PIK3R3: variants seen among roughly 807,000 people sequenced by gnomAD.
PIK3R3 encodes phosphoinositide-3-kinase regulatory subunit 3.
Under a neutral mutation model 62.9 loss-of-function variants are expected in PIK3R3, and 64 were observed. That is an observed-to-expected ratio of 1.02 (90% CI 0.83 to 1.25). PIK3R3 has a LOEUF of 1.25. PIK3R3 is among the 50% of genes most tolerant of loss of function. The pLI, the probability that PIK3R3 is intolerant of heterozygous loss-of-function variation, is 0.00. For synonymous variants in PIK3R3, 165 were observed against 189.0 expected, an observed-to-expected ratio of 0.87 and a Z score of 1.04; for missense variants, 614 against 561.6, an observed-to-expected ratio of 1.09 and a Z score of -0.94.
intron 1 of PIK3R3, among the ~76,000 whole-genome samples, chr1:46,108,397 A>G (rs1653410182): frequency 6.6e-6 from 1 of 152,158 alleles, no homozygotes; most frequent in African/African-American, 2.4e-5. Context: ...CTCTATTCCC[A>G]TACCACAGCT....
intron 7 of PIK3R3, among the ~76,000 whole-genome samples, chr1:46,047,448 A>AGAAAG: frequency 7.1e-6 from 1 of 141,816 alleles, no homozygotes; most frequent in African/African-American, 2.7e-5. Flanking sequence ...AAAAAAAAAA[A>AGAAAG]AAAGAAAGAA....
At chr1:46,049,419 C>T (rs1647200420) in intron 7 of PIK3R3, among the ~76,000 whole-genome samples, 1 of 152,212 alleles carries the variant, frequency 6.6e-6, no homozygotes, top group Non-Finnish European at 1.5e-5. Flanking sequence ...GAAGCTGACG[C>T]CTTCGTCCTG....
At chr1:46,094,731 C>A (rs1651956197) in intron 1 of PIK3R3, among the ~76,000 whole-genome samples, 3 of 152,208 alleles carry the variant, frequency 2.0e-5, no homozygotes, top group Non-Finnish European at 2.9e-5. Flanking sequence ...GTAACACTAA[C>A]CCCTTCCTAT....
chr1:46,157,023 A>G, the PIK3R3 span, among the ~76,000 whole-genome samples: 6 of 152,220 alleles, frequency 3.9e-5, no homozygotes, highest in African/African-American at 1.2e-4. Context: ...TTACACAGGA[A>G]GTGATGGAAC....
the PIK3R3 span, among the ~76,000 whole-genome samples, chr1:46,162,700 C>T: frequency 1.3e-5 from 2 of 152,046 alleles, no homozygotes; most frequent in African/African-American, 4.8e-5. Flanking sequence ...CGACTCACTG[C>T]GACTTCCACC....
chr1:46,065,991 C>T (rs756898609), intron 5 of PIK3R3, 63 bp downstream of exon 5: 27 of 1,472,430 alleles, frequency 1.8e-5, no homozygotes, highest in Admixed American at 3.4e-5. Flanking sequence ...AGTGAATGAT[C>T]GAAAATTTGA....
chr1:46,103,320 T>G (rs1185055919), intron 1 of PIK3R3, among the ~76,000 whole-genome samples: 1 of 152,146 alleles, frequency 6.6e-6, no homozygotes, highest in Admixed American at 6.5e-5. Context: ...GACTCACACC[T>G]GTAATCCTAG....
At chr1:46,077,249 C>A (rs1044940225) in intron 3 of PIK3R3, among the ~76,000 whole-genome samples, 2 of 152,116 alleles carry the variant, frequency 1.3e-5, no homozygotes, top group African/African-American at 4.8e-5. Flanking sequence ...TTTATAAGGT[C>A]AACAGTATGC....
At chr1:46,058,694 G>A (rs192806770) in intron 6 of PIK3R3, among the ~76,000 whole-genome samples, 18 of 152,276 alleles carry the variant, frequency 1.2e-4, no homozygotes, top group African/African-American at 4.3e-4. Context: ...TCTTCCATTT[G>A]GAACAGGTGT....
At chr1:46,071,730 T>TATAGAG (rs1163343399) in intron 3 of PIK3R3, among the ~76,000 whole-genome samples, 5 of 59,066 alleles carry the variant, frequency 8.5e-5, no homozygotes, top group African/African-American at 3.2e-4. Flanking sequence ...TATATATATA[T>TATAGAG]AGAGAGAGAG....
At chr1:46,083,337 T>C (rs1309180476) in intron 1 of PIK3R3, among the ~76,000 whole-genome samples, 1 of 152,112 alleles carries the variant, frequency 6.6e-6, no homozygotes, top group South Asian at 2.1e-4. Flanking sequence ...TGACTTTAGA[T>C]TAGGTAATGG....
chr1:46,145,961 G>A, the PIK3R3 span, among the ~76,000 whole-genome samples: 1 of 152,148 alleles, frequency 6.6e-6, no homozygotes, highest in East Asian at 1.9e-4. Flanking sequence ...TACTTATCTG[G>A]GTGGAGAAGC....
chr1:46,104,884 C>A (rs202247591), intron 1 of PIK3R3: 5 of 467,924 alleles, frequency 1.1e-5, no homozygotes, highest in Non-Finnish European at 1.9e-5. Context: ...GCCAAGATTG[C>A]GCCACTGCAC....
rs1015973799 is a variant in PIK3R3, at chr1:46,074,706, G to A, written c.314+2809C>T. Reference sequence around the variant, plus strand: ...GGGGATGCTGTTACTGGGGGTGGGAGGCCATTTCTGCTGGCAAACAAGACT... The same window carrying A: ...GGGGATGCTGTTACTGGGGGTGGGAAGCCATTTCTGCTGGCAAACAAGACT... On this transcript the variant is annotated intron_variant, in intron 3 of 9. Transcript: ENST00000262741. Among the ~76,000 whole-genome samples, 25 of 151,962 alleles carry A rather than the reference G, an allele frequency of 1.6e-4. 1 individual carries two copies. The highest frequency in any genetic ancestry group is 2.9e-4 in the Non-Finnish European group (20 of 67,982).
chr1:46,057,868 G>A (rs1357133277), intron 6 of PIK3R3, among the ~76,000 whole-genome samples: 2 of 119,926 alleles, frequency 1.7e-5, no homozygotes, highest in Non-Finnish European at 3.6e-5. Context: ...ATTTTCTGAG[G>A]AGAAATTCAA....
intron 1 of PIK3R3, among the ~76,000 whole-genome samples, chr1:46,096,332 C>T (rs545503897): frequency 3.7e-4 from 56 of 152,338 alleles, no homozygotes; most frequent in Middle Eastern, 3.4e-3. Flanking sequence ...TAACTTTGGA[C>T]AATCTGGTCC....
intron 7 of PIK3R3, among the ~76,000 whole-genome samples, chr1:46,050,703 C>T (rs1460278455): frequency 6.6e-6 from 1 of 152,192 alleles, no homozygotes; most frequent in African/African-American, 2.4e-5. Context: ...CACTCCTCAG[C>T]ATATACCCAT....
At chr1:46,085,544 A>C (rs1650979367) in intron 1 of PIK3R3, among the ~76,000 whole-genome samples, 1 of 152,212 alleles carries the variant, frequency 6.6e-6, no homozygotes, top group Non-Finnish European at 1.5e-5. Context: ...GGCAAATGTG[A>C]ATAAAAATTT....
intron 1 of PIK3R3, among the ~76,000 whole-genome samples, chr1:46,128,201 G>C (rs918713650): frequency 2.6e-5 from 4 of 152,184 alleles, no homozygotes; most frequent in Non-Finnish European, 5.9e-5. Context: ...TTGGGAGTCC[G>C]AGGTGGGCAG....
Sources: allele counts gnomAD v4.1 joint callset (sites outside exome capture counted in the v4.1 genomes callset), GRCh38; gene constraint gnomAD v4.1.1; transcripts MANE v1.5; gene names NCBI Gene and HGNC (gene_info 2026-07-23, HGNC 2026-07-21).